Variants in PRDM12 observed in about 807,000 individuals in gnomAD.
PRDM12 encodes PR domain zinc finger protein 12.
Under a neutral mutation model 29.6 loss-of-function variants are expected in PRDM12, and 17 were observed. The observed-to-expected ratio is 0.57, with a 90% confidence interval of 0.39 to 0.86. PRDM12 has a LOEUF of 0.86. Ranked by LOEUF, PRDM12 falls within the 40% of genes least tolerant of loss-of-function variation. The pLI is 0.00. For synonymous variants in PRDM12, 231 were observed against 225.8 expected (o/e 1.02, Z -0.21); for missense variants, 422 against 510.8 (o/e 0.83, Z 1.68).
At chr9:130,680,573 C>G (rs1410158026) in intron 4 of PRDM12, among the ~76,000 whole-genome samples, 2 of 145,126 alleles carry the variant, frequency 1.4e-5, no homozygotes, top group Non-Finnish European at 3.0e-5. Context: ...CTGCAGTGAG[C>G]CGAGATCGCG....
intron 3 of PRDM12, 136 bp from the exon 4 acceptor site, chr9:130,678,393 G>A (rs1343631447): frequency 7.8e-6 from 5 of 643,372 alleles, no homozygotes; most frequent in Non-Finnish European, 1.1e-5. Context: ...ACAGCTCAGT[G>A]GAAATGGGAC....
In PRDM12 at chr9:130,678,655, T is replaced by C; in HGVS notation, c.682+15T>C. ...GAACAAGCATGGTAGGTGTTCCCCA[T>C]GGGGCCGCTGAGACACAGACCCATG... On this transcript the variant is annotated intron_variant, in intron 4 of 4. Coordinates refer to ENST00000253008, the MANE Select transcript of PRDM12 (RefSeq NM_021619.3). 1 of 1,577,380 alleles carries C rather than the reference T, an allele frequency of 6.3e-7. No homozygotes were observed. The highest frequency in any genetic ancestry group is 2.2e-5 in the East Asian group (1 of 44,540).
intron 3 of PRDM12, among the ~76,000 whole-genome samples, chr9:130,676,346 CGGGCGT>C (rs1289569758): frequency 2.6e-5 from 4 of 151,924 alleles, no homozygotes; most frequent in African/African-American, 7.3e-5. Flanking sequence ...AAAAATTAGC[CGGGCGT>C]GGGTGTGGTG....
At chr9:130,674,562 T>C (rs1379575600) in intron 3 of PRDM12, among the ~76,000 whole-genome samples, 2 of 151,506 alleles carry the variant, frequency 1.3e-5, no homozygotes, top group Non-Finnish European at 2.9e-5. Context: ...CATTATTTTT[T>C]AAAAAGTCAG....
intron 3 of PRDM12, among the ~76,000 whole-genome samples, chr9:130,669,099 G>T (rs958840411): frequency 6.6e-6 from 1 of 151,974 alleles, no homozygotes; most frequent in Admixed American, 6.6e-5. Flanking sequence ...TTGCCGAGGC[G>T]GGCAGATCAC....
At chr9:130,672,458 G>GC (rs1830797530) in intron 3 of PRDM12, among the ~76,000 whole-genome samples, 1 of 152,166 alleles carries the variant, frequency 6.6e-6, no homozygotes, top group South Asian at 2.1e-4. Context: ...CAAAGTGCTG[G>GC]GATTACAGGC....
rs184407481 is a variant in PRDM12, at chr9:130,673,716, G to A, written c.571-4813G>A. Among the ~76,000 whole-genome samples, 9 of 135,822 alleles carry A rather than the reference G, an allele frequency of 6.6e-5. No individual in the cohort carries two copies. In the East Asian group the frequency reaches 2.0e-3, roughly 29 times the overall value. The allele number at this position is 135,822 out of a possible 152,430, so 89.1% of individuals were successfully genotyped here. A position where few individuals can be genotyped will look rare whatever the true frequency, so the allele number is the denominator to read the frequency against. On this transcript the variant is annotated intron_variant, in intron 3 of 4. Coordinates refer to ENST00000253008, the MANE Select transcript of PRDM12 (RefSeq NM_021619.3). ...GACAGAGTTTCACTCTTGTTGCCCAGGCTGGAGTGCAATGATGCCATCTTG... is the reference window on the plus strand; with the variant it reads ...GACAGAGTTTCACTCTTGTTGCCCAAGCTGGAGTGCAATGATGCCATCTTG...
chr9:130,678,409 G>A (rs1830862648), intron 3 of PRDM12, 120 bp from the exon 4 acceptor site: 1 of 700,236 alleles, frequency 1.4e-6, no homozygotes, highest in South Asian at 1.8e-5. Context: ...GGGACTGTGT[G>A]GCTTTCTCAG....
chr9:130,668,339 T>C lies in PRDM12; in HGVS notation c.570+26T>C, dbSNP rs1830752877. 2 of 1,609,636 alleles carry C rather than the reference T, an allele frequency of 1.2e-6. No individual in the cohort carries two copies. The highest frequency in any genetic ancestry group is 1.7e-6 in the Non-Finnish European group (2 of 1,176,810). On this transcript the variant is annotated intron_variant, in intron 3 of 4. Transcript: ENST00000253008. This position sits in a 1 kb window ranked among gnomAD's most constrained non-coding sequence, Gnocchi z 4.0. ...GTGTGTGTGTGTGTGTGCACTGTTG[T>C]GTAGGGACCAGCCGGTAAACCCGGC...
At chr9:130,665,079 G>C (rs1238976509) in intron 1 of PRDM12, among the ~76,000 whole-genome samples, 3 of 152,032 alleles carry the variant, frequency 2.0e-5, no homozygotes, top group African/African-American at 7.2e-5. Context: ...AGCCCACCCG[G>C]CTCAAGGACC....
At chr9:130,679,303 A>AT (rs1041351965) in intron 4 of PRDM12, among the ~76,000 whole-genome samples, 4 of 122,588 alleles carry the variant, frequency 3.3e-5, no homozygotes, top group East Asian at 4.6e-4. Flanking sequence ...ACCTCTGTGT[A>AT]TTTTTTTTCT....
In PRDM12 at chr9:130,668,665, A is replaced by C. The variant is rs1363966752; in HGVS notation, c.570+352A>C. Among the ~76,000 whole-genome samples the C allele has an allele frequency of 2.0e-5, 3 of 152,054 alleles. No individual in the cohort carries two copies. Among genetic ancestry groups the C allele is most frequent in the Admixed American group, 2.0e-4 (3 of 15,266 alleles). On this transcript the variant is annotated intron_variant, in intron 3 of 4. Coordinates refer to ENST00000253008, the MANE Select transcript of PRDM12 (RefSeq NM_021619.3). This position sits in a 1 kb window ranked among gnomAD's most constrained non-coding sequence, Gnocchi z 4.0. ...AGAGACACAGAGAAGCAAGATGGGG[A>C]GAGGCGGCCCAGGGAATGCGTTGGG...
At chr9:130,671,404 C>CAT (rs1477302008) in intron 3 of PRDM12, among the ~76,000 whole-genome samples, 1 of 151,900 alleles carries the variant, frequency 6.6e-6, no homozygotes, top group Non-Finnish European at 1.5e-5. Context: ...CACACACACA[C>CAT]ACACACACAC....
chr9:130,667,893 G>A (rs1169961701), intron 2 of PRDM12, among the ~76,000 whole-genome samples: 1 of 152,194 alleles, frequency 6.6e-6, no homozygotes, highest in African/African-American at 2.4e-5. Context: ...TTCTTCTGGG[G>A]GTAGGGAGGA....
intron 3 of PRDM12, among the ~76,000 whole-genome samples, chr9:130,673,831 C>T (rs1455499282): frequency 6.6e-6 from 1 of 151,568 alleles, no homozygotes; most frequent in Non-Finnish European, 1.5e-5. Flanking sequence ...GCCAGCACTC[C>T]CGGCTAATTT....
rs181879649 is a variant in PRDM12 at position 130,678,727 on chromosome 9, A to G, written c.682+87A>G. 92 of 1,115,882 alleles carry G rather than the reference A, an allele frequency of 8.2e-5. 1 individual carries two copies. In the East Asian group the frequency reaches 2.2e-3, roughly 27 times the overall value. The allele number at this position is 1,115,882 out of a possible 1,614,324, so 69.1% of individuals were successfully genotyped here. A position where few individuals can be genotyped will look rare whatever the true frequency, so the allele number is the denominator to read the frequency against. On this transcript the variant is annotated intron_variant, in intron 4 of 4. Coordinates refer to ENST00000253008, the MANE Select transcript of PRDM12 (RefSeq NM_021619.3). ...GAGAGAGAGAATGAGAGAGGCAGAGAGGCTCTTGGCCTCCAGGGACCTTGG... is the reference window on the plus strand; with the variant it reads ...GAGAGAGAGAATGAGAGAGGCAGAGGGGCTCTTGGCCTCCAGGGACCTTGG...
At chr9:130,676,021 C>T (rs376586420) in intron 3 of PRDM12, among the ~76,000 whole-genome samples, 1 of 152,182 alleles carries the variant, frequency 6.6e-6, no homozygotes, top group Non-Finnish European at 1.5e-5. Context: ...CCTAAGGTCA[C>T]ACATGGACCT....
At chr9:130,665,956 G>A (rs1830729715) in intron 1 of PRDM12, among the ~76,000 whole-genome samples, 1 of 152,226 alleles carries the variant, frequency 6.6e-6, no homozygotes, top group Non-Finnish European at 1.5e-5. Context: ...ATCGGGGTTT[G>A]TCTGAGCCCG....
At chr9:130,677,620 C>T (rs1009631600) in intron 3 of PRDM12, among the ~76,000 whole-genome samples, 11 of 152,210 alleles carry the variant, frequency 7.2e-5, no homozygotes, top group Admixed American at 2.6e-4. Flanking sequence ...TTCTCTCATA[C>T]GCCCTGCCTG....
Sources: gnomAD v4.1 joint callset for allele counts (sites outside exome capture counted in the v4.1 genomes callset) on GRCh38, gnomAD v4.1.1 for gene constraint, Gnocchi (gnomAD v3.1) non-coding constraint, MANE v1.5 for transcripts, NCBI Gene and HGNC (gene_info 2026-07-23, HGNC 2026-07-21) for gene names.